Variants in CDH18 observed in about 807,000 individuals in gnomAD.
CDH18 encodes the protein cadherin-18.
Under a neutral mutation model 67.9 loss-of-function variants are expected in CDH18, and 31 were observed. The ratio of observed to expected loss-of-function variants is 0.46; its 90% CI spans 0.34 to 0.62. The LOEUF is 0.62. CDH18 is among the 20% of genes least tolerant of loss of function. The pLI, the probability that CDH18 is intolerant of heterozygous loss-of-function variation, is 0.01. For synonymous variants in CDH18, 362 were observed against 347.2 expected (o/e 1.04, Z -0.48); for missense variants, 890 against 975.5 (o/e 0.91, Z 1.17).
chr5:20,464,160 A>T (rs1202145845), intron 1 of CDH18, among the ~76,000 whole-genome samples: 1 of 152,226 alleles, frequency 6.6e-6, no homozygotes, highest in Non-Finnish European at 1.5e-5. Flanking sequence ...AAGCAACAAC[A>T]GTATCTAACA....
intron 6 of CDH18, among the ~76,000 whole-genome samples, chr5:19,592,398 G>A (rs1388648256): frequency 1.3e-5 from 2 of 151,920 alleles, no homozygotes; most frequent in African/African-American, 4.8e-5. Context: ...AGTTAAAAAA[G>A]CTTATTAGAG....
At chr5:20,437,045 A>C (rs940316522) in intron 1 of CDH18, among the ~76,000 whole-genome samples, 4 of 149,274 alleles carry the variant, frequency 2.7e-5, no homozygotes, top group African/African-American at 1.0e-4. Flanking sequence ...AAGATACAGA[A>C]TATATCTCTA....
intron 2 of CDH18, among the ~76,000 whole-genome samples, chr5:19,928,490 A>T (rs1793324689): frequency 6.6e-6 from 1 of 152,192 alleles, no homozygotes; most frequent in African/African-American, 2.4e-5. Context: ...ACTTGGAAGA[A>T]ATAAATGATC....
intron 3 of CDH18, among the ~76,000 whole-genome samples, chr5:19,759,353 C>A (rs1772037734): frequency 6.6e-6 from 1 of 152,140 alleles, no homozygotes. Context: ...GCAATATTTT[C>A]TTCGATTTAC....
At position 19,965,291 on chromosome 5, in the gene CDH18, T is replaced by C. The variant is rs114586812; in HGVS notation, c.-257+15769A>G. On this transcript the variant is annotated intron_variant, in intron 2 of 12. Coordinates refer to ENST00000382275, the MANE Select transcript of CDH18 (RefSeq NM_004934.5). The stretch of plus-strand genomic sequence containing the variant: ...AAATGTATAATAAACATAAGTCTTA[T>C]GTGTATACAAGTGAATAAATGTAGC... 4.0e-3 allele frequency among the ~76,000 whole-genome samples: 605 copies of C among 152,322 alleles called. 5 individuals are homozygous for C. Among genetic ancestry groups the C allele is most frequent in the African/African-American group, 0.014 (586 of 41,578 alleles).
At chr5:19,709,779 A>C in intron 5 of CDH18, among the ~76,000 whole-genome samples, 1 of 152,144 alleles carries the variant, frequency 6.6e-6, no homozygotes, top group Non-Finnish European at 1.5e-5. Context: ...GGCACATAAG[A>C]CCAAAGCAAA....
intron 8 of CDH18, among the ~76,000 whole-genome samples, chr5:19,565,471 G>C (rs1409096219): frequency 6.6e-6 from 1 of 152,194 alleles, no homozygotes; most frequent in Non-Finnish European, 1.5e-5. Context: ...CAAGTCTTCA[G>C]AGTCACAGCA....
At chr5:20,374,463 T>C (rs1743251760) in intron 1 of CDH18, among the ~76,000 whole-genome samples, 1 of 152,294 alleles carries the variant, frequency 6.6e-6, no homozygotes, top group Admixed American at 6.5e-5. Flanking sequence ...CAGCACAGAT[T>C]TGAGACATCT....
chr5:20,206,592 A>C (rs1739910405), intron 2 of CDH18, among the ~76,000 whole-genome samples: 1 of 151,966 alleles, frequency 6.6e-6, no homozygotes, highest in Admixed American at 6.6e-5. Flanking sequence ...ACAAAATATG[A>C]AATAATATTT....
At chr5:20,451,266 A>G (rs1415448268) in intron 1 of CDH18, among the ~76,000 whole-genome samples, 1 of 152,210 alleles carries the variant, frequency 6.6e-6, no homozygotes, top group Non-Finnish European at 1.5e-5. Flanking sequence ...ATAATCCATT[A>G]GTGTTTGTTG....
intron 3 of CDH18, among the ~76,000 whole-genome samples, chr5:19,834,466 A>G (rs951722299): frequency 2.6e-5 from 4 of 151,700 alleles, no homozygotes; most frequent in Admixed American, 6.6e-5. Flanking sequence ...ATTTTTTTCA[A>G]AAAAAACAGC....
At chr5:20,409,791 C>T (rs1052724979) in intron 1 of CDH18, among the ~76,000 whole-genome samples, 1 of 151,026 alleles carries the variant, frequency 6.6e-6, no homozygotes, top group African/African-American at 2.4e-5. Flanking sequence ...GAAATAGAAA[C>T]AGAAATTAAA....
At chr5:20,205,018 C>T (rs1477582927) in intron 2 of CDH18, among the ~76,000 whole-genome samples, 1 of 151,782 alleles carries the variant, frequency 6.6e-6, no homozygotes, top group Non-Finnish European at 1.5e-5. Context: ...AGCTGCAAAA[C>T]AACCAGAAAA....
intron 2 of CDH18, among the ~76,000 whole-genome samples, chr5:20,107,009 A>G (rs1429674112): frequency 6.7e-6 from 1 of 150,024 alleles, no homozygotes; most frequent in African/African-American, 2.5e-5. Flanking sequence ...TGTTAATAAA[A>G]TGGGTCTTTG....
intron 5 of CDH18, among the ~76,000 whole-genome samples, chr5:19,621,132 A>T (rs767517396): frequency 9.2e-5 from 14 of 151,876 alleles, no homozygotes; most frequent in Admixed American, 2.0e-4. Context: ...CTGCTTAAAG[A>T]GGTGTAATTT....
chr5:20,393,018 T>A (rs1292459927), intron 1 of CDH18, among the ~76,000 whole-genome samples: 3 of 151,878 alleles, frequency 2.0e-5, no homozygotes, highest in African/African-American at 7.2e-5. Context: ...TTATCCAGAA[T>A]GATATTCATA....
intron 2 of CDH18, among the ~76,000 whole-genome samples, chr5:20,047,503 G>A (rs1741012841): frequency 6.6e-6 from 1 of 151,746 alleles, no homozygotes; most frequent in African/African-American, 2.4e-5. Flanking sequence ...GTCCAGTTAA[G>A]TGCAACACAT....
intron 5 of CDH18, among the ~76,000 whole-genome samples, chr5:19,630,362 T>C (rs1752249947): frequency 6.6e-6 from 1 of 152,236 alleles, no homozygotes; most frequent in Non-Finnish European, 1.5e-5. Flanking sequence ...CTATATCCTA[T>C]GTGAACTAAT....
intron 1 of CDH18, among the ~76,000 whole-genome samples, chr5:20,523,622 C>A (rs1239459946): frequency 6.6e-6 from 1 of 152,132 alleles, no homozygotes; most frequent in Non-Finnish European, 1.5e-5. Flanking sequence ...GTCACTGTAA[C>A]CTCCGCCTCC....
Sources: allele counts gnomAD v4.1 joint callset (sites outside exome capture counted in the v4.1 genomes callset), GRCh38; gene constraint gnomAD v4.1.1; transcripts MANE v1.5; gene names NCBI Gene and HGNC (gene_info 2026-07-23, HGNC 2026-07-21).